The following ZNF569 variants were observed in gnomAD, a reference collection of about 807,000 sequenced individuals.
ZNF569 encodes the protein zinc finger protein 569, also known as DNA-binding protein.
ZNF569 carries 38 observed loss-of-function variants against 56.3 expected under a neutral mutation model. That is an observed-to-expected ratio of 0.68 (90% confidence interval 0.52 to 0.88). ZNF569 has a LOEUF of 0.88. ZNF569 is among the 40% of genes least tolerant of loss of function. The probability of loss-of-function intolerance (pLI) is 0.00; values close to 1 mark genes in which losing one functional copy is unlikely to be tolerated. For synonymous variants in ZNF569, 241 were observed against 262.9 expected (o/e 0.92, Z 0.81); for missense variants, 666 against 809.2 (o/e 0.82, Z 2.15).
intron 3 of ZNF569, among the ~76,000 whole-genome samples, chr19:37,444,104 T>A (rs1371461568): frequency 1.3e-5 from 2 of 152,168 alleles, no homozygotes; most frequent in Non-Finnish European, 2.9e-5. Context: ...GTCTTAAGCA[T>A]AAAATCTGAT....
At chr19:37,445,051 T>C in intron 2 of ZNF569, 87 bp from the exon 3 acceptor site, 2 of 967,892 alleles carry the variant, frequency 2.1e-6, no homozygotes, top group Non-Finnish European at 3.1e-6. Flanking sequence ...GGTCACCCTG[T>C]AGTGGAATGA....
At chr19:37,415,923 G>A (rs183326369) in intron 5 of ZNF569, among the ~76,000 whole-genome samples, 3 of 150,368 alleles carry the variant, frequency 2.0e-5, no homozygotes, top group Non-Finnish European at 4.4e-5. Flanking sequence ...ATTAAGAAAA[G>A]AGTTGCCCCT....
At chr19:37,448,581 T>TTA (rs2041538409) in intron 2 of ZNF569, among the ~76,000 whole-genome samples, 2 of 117,536 alleles carry the variant, frequency 1.7e-5, no homozygotes, top group South Asian at 3.3e-4. Flanking sequence ...TTTTTTTTTT[T>TTA]GAGACGGAGT....
At chr19:37,444,367 C>T (rs968997316) in intron 3 of ZNF569, among the ~76,000 whole-genome samples, 2 of 152,086 alleles carry the variant, frequency 1.3e-5, no homozygotes, top group Non-Finnish European at 2.9e-5. Context: ...TTGGTTGTTG[C>T]GTGTAACAGT....
chr19:37,427,902 T>C, intron 3 of ZNF569: 1 of 445,056 alleles, frequency 2.2e-6, no homozygotes, highest in Non-Finnish European at 4.6e-6. Flanking sequence ...TTTCACCAAT[T>C]ACAGGGAAGA....
upstream of ZNF569, among the ~76,000 whole-genome samples, chr19:37,468,404 A>G (rs1444750735): frequency 2.0e-5 from 3 of 152,128 alleles, no homozygotes; most frequent in African/African-American, 4.8e-5. Context: ...TACCTTTAAT[A>G]AAGAGATAAT....
At chr19:37,436,079 T>C (rs1227625913) in intron 3 of ZNF569, among the ~76,000 whole-genome samples, 2 of 152,136 alleles carry the variant, frequency 1.3e-5, no homozygotes, top group South Asian at 4.1e-4. Context: ...CTCTCAAGCA[T>C]AGACCATGTT....
intron 3 of ZNF569, among the ~76,000 whole-genome samples, chr19:37,431,347 G>C (rs1037220241): frequency 1.3e-5 from 2 of 152,090 alleles, no homozygotes; most frequent in African/African-American, 2.4e-5. Flanking sequence ...CTTGCACCTT[G>C]GATACCAGCT....
At chr19:37,456,967 C>CAAAAAAA (rs560827115) in intron 2 of ZNF569, among the ~76,000 whole-genome samples, 1 of 113,816 alleles carries the variant, frequency 8.8e-6, no homozygotes, top group Non-Finnish European at 1.9e-5. Context: ...GACACCGTCT[C>CAAAAAAA]AAAAAAAAAA....
At chr19:37,420,556 C>T (rs1248607881) in intron 5 of ZNF569, among the ~76,000 whole-genome samples, 2 of 152,186 alleles carry the variant, frequency 1.3e-5, no homozygotes, top group East Asian at 1.9e-4. Context: ...AAGAAGTAAT[C>T]CTTATCCCTG....
At chr19:37,446,344 T>C (rs1568739229) in intron 2 of ZNF569, among the ~76,000 whole-genome samples, 1 of 151,876 alleles carries the variant, frequency 6.6e-6, no homozygotes, top group Non-Finnish European at 1.5e-5. Flanking sequence ...GGTCAGGAGA[T>C]TGAGACCATC....
At chr19:37,432,706 C>G (rs2041245360) in intron 3 of ZNF569, among the ~76,000 whole-genome samples, 1 of 152,130 alleles carries the variant, frequency 6.6e-6, no homozygotes, top group African/African-American at 2.4e-5. Flanking sequence ...ATCCTGGAGA[C>G]ACAGAAATCT....
intron 2 of ZNF569, among the ~76,000 whole-genome samples, chr19:37,463,473 T>C (rs909780749): frequency 2.6e-5 from 4 of 152,236 alleles, no homozygotes; most frequent in Non-Finnish European, 5.9e-5. Flanking sequence ...GTATAGCACA[T>C]ACAGTTGTGT....
chr19:37,413,357 C>T lies in ZNF569; in HGVS notation c.1301G>A (p.Arg434Lys), dbSNP rs1462886393. 5.0e-6 allele frequency: 8 copies of T among 1,607,940 alleles called. No individual in the cohort carries two copies. The highest frequency in any genetic ancestry group is 1.7e-5 in the Admixed American group (1 of 58,526). ...TTCATTACACTCATAAGGTTTCTCT[C>T]TAGTATGAATTTTCTGGTGTGTAAT... ...NFITHQKIHTREKPYECNECG... is the reference protein window; with the variant it reads ...NFITHQKIHTKEKPYECNECG... The change falls in exon 6 of 6, where the codon AGA (arginine) becomes AAA (lysine). Residue 434 changes from arginine to lysine, a missense_variant. Physicochemically the swap from Arg to Lys is conservative, Grantham distance 26. Transcript: ENST00000316950.
At chr19:37,428,451 G>A (rs1402568794) in intron 3 of ZNF569, among the ~76,000 whole-genome samples, 1 of 146,484 alleles carries the variant, frequency 6.8e-6, no homozygotes, top group Non-Finnish European at 1.5e-5. Flanking sequence ...AAGCCTGGGA[G>A]TTTGACTGCA....
chr19:37,429,238 G>A (rs1028622396), intron 3 of ZNF569, among the ~76,000 whole-genome samples: 13 of 152,152 alleles, frequency 8.5e-5, no homozygotes, highest in African/African-American at 2.7e-4. Flanking sequence ...ATAAAGGCAC[G>A]AGGTATACCA....
At chr19:37,448,765 G>A (rs193245436) in intron 2 of ZNF569, among the ~76,000 whole-genome samples, 8 of 151,616 alleles carry the variant, frequency 5.3e-5, no homozygotes, top group African/African-American at 1.7e-4. Flanking sequence ...GGGTTTCACC[G>A]TGTTAGCCAG....
chr19:37,425,909 G>A lies in ZNF569; in HGVS notation c.197C>T (p.Pro66Leu), dbSNP rs762376459. The A allele has an allele frequency of 6.2e-7, 1 of 1,613,950 alleles. No individual in the cohort carries two copies. The highest frequency in any genetic ancestry group is 8.5e-7 in the Non-Finnish European group (1 of 1,179,930). Reference protein sequence around the residue: ...VIFKLEQEEEPWVMEEEVLRR... With the variant: ...VIFKLEQEEELWVMEEEVLRR... ...TAATACTTCTTCCTCCATCACCCAT[G>A]GTTCTTCTTCTTGCTCCAATTTGAA... The change falls in exon 5 of 6, where the codon CCA becomes CTA. Residue 66 changes from proline to leucine, a missense_variant. Coordinates refer to ENST00000316950, the MANE Select transcript of ZNF569 (RefSeq NM_152484.3).
chr19:37,445,519 C>A lies in ZNF569; in HGVS notation c.-43-555G>T, dbSNP rs142496326. On this transcript the variant is annotated intron_variant, in intron 2 of 5. Transcript: ENST00000316950. ...AGAGGAAGTCATACTGTTGCTGCTG[C>A]TGATGACATGATTGTATACCTGGAA... 9.1e-4 allele frequency among the ~76,000 whole-genome samples: 139 copies of A among 152,228 alleles called. 1 individual carries two copies. The highest frequency in any genetic ancestry group is 3.4e-3 in the Middle Eastern group (1 of 294).
Sources: allele counts gnomAD v4.1 joint callset (sites outside exome capture counted in the v4.1 genomes callset), GRCh38; gene constraint gnomAD v4.1.1; transcripts MANE v1.5; gene names NCBI Gene and HGNC (gene_info 2026-07-23, HGNC 2026-07-21).